SAMM50: variants seen among roughly 807,000 people sequenced by gnomAD.
The protein encoded by SAMM50 is sorting and assembly machinery component 50 homolog.
Under a neutral mutation model 66.9 loss-of-function variants are expected in SAMM50, and 47 were observed. The observed-to-expected ratio is 0.70, with a 90% CI of 0.56 to 0.90. The LOEUF is 0.90. Ranked by LOEUF, SAMM50 falls within the 40% of genes least tolerant of loss-of-function variation. SAMM50 has a pLI of 0.00. For synonymous variants in SAMM50, 191 were observed against 214.1 expected, an observed-to-expected ratio of 0.89 and a Z score of 0.94; for missense variants, 535 against 595.3, an observed-to-expected ratio of 0.90 and a Z score of 1.05.
At chr22:43,963,020 C>T (rs2050155038) in intron 1 of SAMM50, 2 of 211,830 alleles carry the variant, frequency 9.4e-6, no homozygotes, top group African/African-American at 4.7e-5. Context: ...GCATGAGCCA[C>T]CACACTCCCC....
intron 10 of SAMM50, among the ~76,000 whole-genome samples, chr22:43,980,071 T>C (rs1182409103): frequency 2.8e-5 from 4 of 144,334 alleles, no homozygotes; most frequent in Admixed American, 6.9e-5. Flanking sequence ...TACCCATCCA[T>C]CCATCCATCC....
intron 1 of SAMM50, chr22:43,957,365 TAA>T (rs1900737530): frequency 4.0e-6 from 2 of 501,762 alleles, no homozygotes; most frequent in Non-Finnish European, 7.3e-6. Flanking sequence ...GAAAAGTCAA[TAA>T]ATCAATGTGG....
intron 1 of SAMM50, among the ~76,000 whole-genome samples, chr22:43,957,675 C>T (rs548899655): frequency 2.6e-5 from 4 of 152,342 alleles, no homozygotes; most frequent in Non-Finnish European, 5.9e-5. Context: ...CATCCCGCCT[C>T]GGCCTCCCAA....
intron 2 of SAMM50, 144 bp from the exon 3 acceptor site, chr22:43,964,308 T>C: frequency 2.0e-6 from 1 of 511,730 alleles, no homozygotes; most frequent in Non-Finnish European, 3.5e-6. Context: ...ATGTGAAAGA[T>C]AGTAAAGTCC....
At chr22:43,984,128 C>T in intron 12 of SAMM50, 128 bp downstream of exon 12, 4 of 732,652 alleles carry the variant, frequency 5.5e-6, no homozygotes, top group Middle Eastern at 2.9e-4. Context: ...TAGCACCTAA[C>T]ACAGAACTTA....
At chr22:43,957,099 A>C in intron 1 of SAMM50, 1 of 976,272 alleles carries the variant, frequency 1.0e-6, no homozygotes, top group Non-Finnish European at 1.7e-6. Context: ...AAGGGAGCAC[A>C]CAGCTCTTCT....
At chr22:43,989,761 A>G (rs1041705125) in intron 13 of SAMM50, among the ~76,000 whole-genome samples, 2 of 152,212 alleles carry the variant, frequency 1.3e-5, no homozygotes, top group Non-Finnish European at 2.9e-5. Flanking sequence ...TGAAGCATAC[A>G]AGAAAAATAA....
At chr22:43,992,220 T>C (rs2050328551) in intron 14 of SAMM50, among the ~76,000 whole-genome samples, 1 of 152,214 alleles carries the variant, frequency 6.6e-6, no homozygotes, top group East Asian at 1.9e-4. Context: ...GGATGGTGCT[T>C]TGTAAAGGGG....
At chr22:43,991,793 G>C (rs1455422844) in intron 14 of SAMM50, among the ~76,000 whole-genome samples, 3 of 152,230 alleles carry the variant, frequency 2.0e-5, no homozygotes, top group Non-Finnish European at 4.4e-5. Context: ...TTGCCACTGT[G>C]TCCTCACTTG....
chr22:43,963,466 G>A lies in SAMM50; in HGVS notation c.132+70G>A, dbSNP rs866470639. The A allele has an allele frequency of 6.0e-5, 54 of 892,764 alleles. No homozygotes were observed. In the South Asian group the frequency reaches 8.7e-4, roughly 14 times the overall value. 55.3% of individuals were successfully genotyped at this position (892,764 alleles called of 1,614,324 possible). On this transcript the variant is annotated intron_variant, in intron 2 of 14. Coordinates refer to ENST00000350028, the MANE Select transcript of SAMM50 (RefSeq NM_015380.5). The stretch of plus-strand genomic sequence containing the variant: ...ATTCACTTCCATACACCACTAGGGA[G>A]ATGTAAAGGAATTAACCTGTTTCCG...
intron 12 of SAMM50, chr22:43,987,078 A>G (rs1390613998): frequency 6.6e-6 from 1 of 152,208 alleles, no homozygotes; most frequent in Admixed American, 6.5e-5. Flanking sequence ...ATGAGAGCTG[A>G]GCCTTTACCT....
chr22:43,976,096 C>T lies in SAMM50; in HGVS notation c.690C>T (p.Gly230=), dbSNP rs771300763. The T allele has an allele frequency of 1.1e-5, 17 of 1,612,854 alleles. No individual in the cohort carries two copies. The highest frequency in any genetic ancestry group is 3.3e-4 in the Middle Eastern group (2 of 6,076). Residue 230 remains glycine, a synonymous_variant, in exon 8 of 15, where the codon GGC becomes GGT. Coordinates refer to ENST00000350028, the MANE Select transcript of SAMM50 (RefSeq NM_015380.5). ...WKTSHTVKWE[G]VWRELGCLSR... is the part of the protein sequence containing the mutation. ...CCAGCCACACTGTCAAGTGGGAAGGCGTATGGCGAGAACTGGGCTGCCTCT... is the reference window on the plus strand; with the variant it reads ...CCAGCCACACTGTCAAGTGGGAAGGTGTATGGCGAGAACTGGGCTGCCTCT...
intron 3 of SAMM50, among the ~76,000 whole-genome samples, chr22:43,965,465 G>A (rs562374056): frequency 6.6e-6 from 1 of 152,164 alleles, no homozygotes; most frequent in South Asian, 2.1e-4. Flanking sequence ...GCCTCGGCCT[G>A]CCAAAATGCT....
chr22:43,976,665 TG>T, intron 8 of SAMM50, 84 bp from the exon 9 acceptor site: 1 of 922,232 alleles, frequency 1.1e-6, no homozygotes, highest in Admixed American at 1.8e-5. Context: ...AGTGCTAGCG[TG>T]GTGTGGCCCA....
intron 4 of SAMM50, 25 bp downstream of exon 4, chr22:43,968,843 T>C: frequency 6.6e-7 from 1 of 1,508,566 alleles, no homozygotes; most frequent in Non-Finnish European, 9.2e-7. Flanking sequence ...GTAGTATCTT[T>C]ATAATTCCCT....
chr22:43,976,908 T>TGGGGGGGGGGGGCGG, intron 9 of SAMM50, 87 bp downstream of exon 9: 3 of 469,280 alleles, frequency 6.4e-6, no homozygotes, highest in Non-Finnish European at 1.3e-5. Flanking sequence ...TGGGTGGGCC[T>TGGGGGGGGGGGGCGG]GGGGGTGGGC....
intron 3 of SAMM50, among the ~76,000 whole-genome samples, chr22:43,968,287 G>C: frequency 7.0e-6 from 1 of 143,362 alleles, no homozygotes; most frequent in Non-Finnish European, 1.5e-5. Flanking sequence ...GTAAAGAAAT[G>C]AATAGAAAAT....
At position 43,963,351 on chromosome 22, in the gene SAMM50, T is replaced by C. The variant is rs11547245; in HGVS notation, c.87T>C (p.Val29=). 5 of 1,613,438 alleles carry C rather than the reference T, an allele frequency of 3.1e-6. No individual in the cohort carries two copies. The highest frequency in any genetic ancestry group is 4.2e-6 in the Non-Finnish European group (5 of 1,179,822). The part of the protein sequence containing the change: ...FGGLGEEAEF[V]EVEPEAKQEI... ...GATTAGGAGAAGAAGCTGAATTTGT[T>C]GAAGTTGAGCCTGAAGCTAAACAGG... Residue 29 remains valine, a synonymous_variant, in exon 2 of 15, where the codon GTT becomes GTC. Transcript: ENST00000350028.
intron 14 of SAMM50, 142 bp downstream of exon 14, chr22:43,990,548 ATGT>A: frequency 1.1e-6 from 1 of 930,624 alleles, no homozygotes; most frequent in Non-Finnish European, 1.6e-6. Context: ...ATGAAAACAC[ATGT>A]ATTTTCCTCC....
Sources: allele counts gnomAD v4.1 joint callset (sites outside exome capture counted in the v4.1 genomes callset), GRCh38; gene constraint gnomAD v4.1.1; transcripts MANE v1.5; gene names NCBI Gene and HGNC (gene_info 2026-07-23, HGNC 2026-07-21).